The following CFAP52 variants were observed in gnomAD, a reference collection of about 807,000 sequenced individuals.
The protein encoded by CFAP52 is cilia- and flagella-associated protein 52.
A neutral mutation model predicts 70.5 loss-of-function variants in CFAP52; 57 were observed. The ratio of observed to expected loss-of-function variants is 0.81; its 90% CI spans 0.65 to 1.01. The LOEUF (loss-of-function observed/expected upper bound fraction) is 1.01, where lower values mean the gene tolerates loss of function less well. CFAP52 is among the 50% of genes least tolerant of loss of function. CFAP52 has a pLI of 0.00. For synonymous variants in CFAP52, 267 were observed against 292.5 expected (o/e 0.91, Z 0.89); for missense variants, 785 against 788.5 (o/e 1.00, Z 0.05).
chr17:9,580,968 A>G (rs1908198641), intron 1 of CFAP52, among the ~76,000 whole-genome samples: 1 of 152,200 alleles, frequency 6.6e-6, no homozygotes, highest in Non-Finnish European at 1.5e-5. Context: ...GATATTGTCT[A>G]TAATAGCTGA....
chr17:9,608,245 G>GTCTCTACCCA, intron 7 of CFAP52, 26 bp downstream of exon 7: 1 of 1,571,072 alleles, frequency 6.4e-7, no homozygotes, highest in Non-Finnish European at 8.7e-7. Flanking sequence ...CACACAGTGG[G>GTCTCTACCCA]GCTGGGTAGA....
chr17:9,591,601 G>A (rs1908765586), intron 3 of CFAP52, among the ~76,000 whole-genome samples: 2 of 152,118 alleles, frequency 1.3e-5, no homozygotes, highest in South Asian at 4.2e-4. Flanking sequence ...GTTTGTGCGG[G>A]GTGCAGTGGC....
chr17:9,624,398 T>A (rs1304242932), intron 8 of CFAP52, among the ~76,000 whole-genome samples: 1 of 152,120 alleles, frequency 6.6e-6, no homozygotes, highest in Non-Finnish European at 1.5e-5. Flanking sequence ...CTCTATTAAA[T>A]CTACCTTCCA....
At position 9,628,523 on chromosome 17, in the gene CFAP52, C is replaced by A. The variant is rs1453038227; in HGVS notation, c.1026-149C>A. 1.6e-5 allele frequency: 16 copies of A among 1,001,744 alleles called. No individual in the cohort carries two copies. In the Admixed American group the frequency reaches 3.3e-4, roughly 21 times the overall value. The allele number at this position is 1,001,744 out of a possible 1,614,324, so 62.1% of individuals were successfully genotyped here. ...TCAAACTCCTGACCTCGTGATCCACCCCCCTGGCCTCCCAAAGTGCTGGGA... is the reference window on the plus strand; with the variant it reads ...TCAAACTCCTGACCTCGTGATCCACACCCCTGGCCTCCCAAAGTGCTGGGA... On this transcript the variant is annotated intron_variant, in intron 8 of 13. Coordinates refer to ENST00000352665, the MANE Select transcript of CFAP52 (RefSeq NM_145054.5).
intron 3 of CFAP52, among the ~76,000 whole-genome samples, chr17:9,590,970 A>G (rs1277455128): frequency 6.7e-6 from 1 of 149,778 alleles, no homozygotes; most frequent in Non-Finnish European, 1.5e-5. Context: ...TTCTACACAG[A>G]GGAAAAGAAA....
intron 6 of CFAP52, among the ~76,000 whole-genome samples, chr17:9,603,370 A>T (rs1443687276): frequency 6.6e-6 from 1 of 152,004 alleles, no homozygotes; most frequent in Non-Finnish European, 1.5e-5. Flanking sequence ...CACCATGCCC[A>T]GCTAACTTTT....
chr17:9,633,128 C>T, intron 10 of CFAP52, 95 bp downstream of exon 10: 1 of 1,427,604 alleles, frequency 7.0e-7, no homozygotes, highest in Non-Finnish European at 9.3e-7. Context: ...CACACCTTTG[C>T]TAGTATTCAA....
intron 9 of CFAP52, among the ~76,000 whole-genome samples, chr17:9,630,590 C>T (rs1184284882): frequency 6.6e-6 from 1 of 150,486 alleles, no homozygotes; most frequent in Non-Finnish European, 1.5e-5. Flanking sequence ...CTACCACGCC[C>T]GGCTAATTTT....
intron 1 of CFAP52, among the ~76,000 whole-genome samples, chr17:9,584,874 C>T (rs1175519005): frequency 1.1e-4 from 16 of 152,190 alleles, no homozygotes; most frequent in South Asian, 1.0e-3. Flanking sequence ...CCGCCTGCCT[C>T]GGCCTCCCAA....
chr17:9,606,375 T>C (rs904468531), intron 6 of CFAP52, among the ~76,000 whole-genome samples: 4 of 60,902 alleles, frequency 6.6e-5, no homozygotes, highest in African/African-American at 2.6e-4. Flanking sequence ...AGAGACCCTG[T>C]CTCCAAAATA....
intron 3 of CFAP52, 151 bp downstream of exon 3, chr17:9,586,985 AC>A: frequency 1.1e-6 from 1 of 946,952 alleles, no homozygotes; most frequent in Non-Finnish European, 1.5e-6. Flanking sequence ...TCAGCCTAGT[AC>A]CCAGTAGTTA....
rs752058115 is a variant in CFAP52, at chr17:9,612,438, G to A, written c.984G>A (p.Ala328=). 8 of 1,614,166 alleles carry A rather than the reference G, an allele frequency of 5.0e-6. No homozygotes were observed. In the East Asian group the frequency reaches 8.9e-5, roughly 18 times the overall value. The change falls in exon 8 of 14, where the codon GCG becomes GCA. Residue 328 remains alanine (A), a synonymous_variant. Transcript: ENST00000352665. ...SFTDFKETLI[A]TCHFDAVEDI... is the part of the protein sequence containing the mutation. ...CGGATTTCAAAGAGACGCTCATAGC[G>A]ACTTGTCACTTTGATGCTGTCGAGG...
chr17:9,598,721 A>C (rs1909131572), intron 5 of CFAP52, among the ~76,000 whole-genome samples: 1 of 145,172 alleles, frequency 6.9e-6, no homozygotes, highest in Non-Finnish European at 1.5e-5. Context: ...GCATCATGCC[A>C]CTGCACTCCA....
chr17:9,611,966 A>C (rs190565524), intron 7 of CFAP52, among the ~76,000 whole-genome samples: 2 of 152,292 alleles, frequency 1.3e-5, no homozygotes, highest in East Asian at 3.9e-4. Flanking sequence ...ATTATTTTTC[A>C]GAAGTGGAAT....
chr17:9,643,868 A>G (rs7220694), downstream of CFAP52, among the ~76,000 whole-genome samples: 2,473 of 152,272 alleles, frequency 0.016, 70 homozygotes, highest in African/African-American at 0.056. Context: ...TGGCCATTAC[A>G]TCTTTCTTCT....
rs138429217 is a variant in CFAP52 at position 9,643,173 on chromosome 17, G to A, written c.1838G>A (p.Arg613Gln). The A allele has an allele frequency of 5.5e-5, 89 of 1,612,096 alleles. 1 individual carries two copies. The highest frequency in any genetic ancestry group is 5.3e-4 in the African/African-American group (40 of 74,906). Residue 613 changes from arginine to glutamine, a missense_variant, in exon 14 of 14, where the codon CGA becomes CAA. By Grantham distance (43) the Arg-to-Gln change is conservative. Transcript: ENST00000352665. Reference sequence around the variant, plus strand: ...GTAAGTGCCGATGGAGCCATTTTGCGATGGAAGTACCCATATACCTCCTGA... The same window carrying A: ...GTAAGTGCCGATGGAGCCATTTTGCAATGGAAGTACCCATATACCTCCTGA... ...VSVSADGAIL[R>Q]WKYPYTS
At chr17:9,592,077 G>C (rs1908787989) in intron 3 of CFAP52, among the ~76,000 whole-genome samples, 1 of 152,000 alleles carries the variant, frequency 6.6e-6, no homozygotes, top group South Asian at 2.1e-4. Context: ...ATTGACCCGT[G>C]TTAAGGTGTA....
chr17:9,627,860 A>G (rs1467962015), intron 8 of CFAP52, among the ~76,000 whole-genome samples: 1 of 152,132 alleles, frequency 6.6e-6, no homozygotes, highest in African/African-American at 2.4e-5. Flanking sequence ...AGCCAGGACC[A>G]CAGGCATGCA....
At position 9,628,774 on chromosome 17, in the gene CFAP52, C is replaced by A; in HGVS notation, c.1128C>A (p.Thr376=). The A allele has an allele frequency of 6.2e-7, 1 of 1,614,156 alleles. No homozygotes were observed. The highest frequency in any genetic ancestry group is 8.5e-7 in the Non-Finnish European group (1 of 1,180,026). Residue 376 remains threonine (T), a synonymous_variant, in exon 9 of 14, where the codon ACC becomes ACA. Transcript: ENST00000352665. ...ELLRITVPNM[T]CHGIDFMRDG... The stretch of plus-strand genomic sequence containing the variant: ...TGCGGATCACCGTGCCCAACATGAC[C>A]TGCCACGGCATCGACTTCATGAGGG...
Sources: gnomAD v4.1 joint callset for allele counts (sites outside exome capture counted in the v4.1 genomes callset) on GRCh38, gnomAD v4.1.1 for gene constraint, MANE v1.5 for transcripts, NCBI Gene and HGNC (gene_info 2026-07-23, HGNC 2026-07-21) for gene names.